The following FGF14 variants were observed in gnomAD, a reference collection of about 807,000 sequenced individuals.
FGF14 encodes fibroblast growth factor 14.
A neutral mutation model predicts 25.5 loss-of-function variants in FGF14; 5 were observed. That is an observed-to-expected ratio of 0.20 (90% CI 0.10 to 0.41). The LOEUF is 0.41. Among genes scored for constraint, FGF14 ranks in the 10% least tolerant of loss-of-function variants. The pLI is 1.00. For synonymous variants in FGF14, 138 were observed against 118.3 expected, an observed-to-expected ratio of 1.17 and a Z score of -1.08; for missense variants, 222 against 320.1, an observed-to-expected ratio of 0.69 and a Z score of 2.34.
chr13:101,814,868 GTCTT>G (rs993377494), intron 3 of FGF14, among the ~76,000 whole-genome samples: 1 of 152,186 alleles, frequency 6.6e-6, no homozygotes, highest in African/African-American at 2.4e-5. Flanking sequence ...TTTCATATAA[GTCTT>G]TCTATTTCCA....
intron 3 of FGF14, among the ~76,000 whole-genome samples, chr13:101,782,004 T>G (rs1021969293): frequency 6.6e-6 from 1 of 152,218 alleles, no homozygotes; most frequent in Non-Finnish European, 1.5e-5. Flanking sequence ...CTTTTTGGTC[T>G]ATGGAGATCT....
At chr13:101,743,747 C>G (rs926095543) in intron 3 of FGF14, among the ~76,000 whole-genome samples, 1 of 152,020 alleles carries the variant, frequency 6.6e-6, no homozygotes, top group African/African-American at 2.4e-5. Context: ...ATATTCACAT[C>G]TGTAGATATT....
chr13:102,307,487 T>C (rs1231603964), intron 1 of FGF14, among the ~76,000 whole-genome samples: 1 of 152,148 alleles, frequency 6.6e-6, no homozygotes, highest in Admixed American at 6.6e-5. Flanking sequence ...ATAATTTGAG[T>C]TTATAAAACT....
At chr13:101,768,465 C>A (rs568383695) in intron 3 of FGF14, among the ~76,000 whole-genome samples, 1 of 152,116 alleles carries the variant, frequency 6.6e-6, no homozygotes, top group Admixed American at 6.6e-5. Flanking sequence ...TTTTGACACA[C>A]TGATACTAAA....
At chr13:101,786,384 C>G (rs569936477) in intron 3 of FGF14, among the ~76,000 whole-genome samples, 22 of 152,214 alleles carry the variant, frequency 1.4e-4, no homozygotes, top group African/African-American at 5.3e-4. Flanking sequence ...GCTGCCATAA[C>G]AAAATACCAT....
chr13:101,906,850 G>A (rs1242496776), intron 1 of FGF14, among the ~76,000 whole-genome samples: 2 of 152,052 alleles, frequency 1.3e-5, no homozygotes, highest in Non-Finnish European at 2.9e-5. Context: ...AGAAGAGGTA[G>A]AACATATTAT....
At chr13:101,973,378 T>C (rs746289617) in intron 1 of FGF14, among the ~76,000 whole-genome samples, 1 of 152,190 alleles carries the variant, frequency 6.6e-6, no homozygotes, top group Admixed American at 6.5e-5. Flanking sequence ...CTTGGAGATA[T>C]TCTCCTTTGT....
chr13:102,156,715 C>A (rs547938862), intron 1 of FGF14, among the ~76,000 whole-genome samples: 1 of 152,146 alleles, frequency 6.6e-6, no homozygotes, highest in African/African-American at 2.4e-5. Flanking sequence ...AAGAGGAAGT[C>A]AAATTGTCCC....
intron 1 of FGF14, among the ~76,000 whole-genome samples, chr13:102,379,146 T>C (rs1447368989): frequency 1.3e-5 from 2 of 152,092 alleles, no homozygotes; most frequent in Non-Finnish European, 2.9e-5. Context: ...TATAATAACA[T>C]CATCAAAAAT....
chr13:101,990,866 G>T (rs947888806), intron 1 of FGF14, among the ~76,000 whole-genome samples: 1 of 152,064 alleles, frequency 6.6e-6, no homozygotes, highest in Non-Finnish European at 1.5e-5. Context: ...ATAGCATTAA[G>T]ATAATAAAAC....
In FGF14 at chr13:101,815,779, G is replaced by A. The variant is rs538138068; in HGVS notation, c.408+52946C>T. Among the ~76,000 whole-genome samples, 29 of 152,076 alleles carry A rather than the reference G, an allele frequency of 1.9e-4. No homozygotes were observed. In the South Asian group the frequency reaches 5.4e-3, roughly 28 times the overall value. On this transcript the variant is annotated intron_variant, in intron 3 of 4. Coordinates refer to ENST00000376143, the MANE Select transcript of FGF14 (RefSeq NM_004115.4). The stretch of plus-strand genomic sequence containing the variant: ...TAAGCACTTTATCAAGAAGAAACTC[G>A]GTGGTTCTGAGTGCCTGATTAGGCA...
chr13:102,151,357 C>A (rs2047076752), intron 1 of FGF14, among the ~76,000 whole-genome samples: 1 of 152,114 alleles, frequency 6.6e-6, no homozygotes, highest in Admixed American at 6.6e-5. Context: ...TAAGTGATGC[C>A]TGTTTTTTCT....
chr13:102,035,896 G>A (rs1480617500), intron 1 of FGF14, among the ~76,000 whole-genome samples: 2 of 152,132 alleles, frequency 1.3e-5, no homozygotes, highest in Admixed American at 6.6e-5. Context: ...GAAGCAGAAT[G>A]TGTGGAGCAC....
chr13:101,900,589 C>CA (rs1318950479), intron 1 of FGF14, among the ~76,000 whole-genome samples: 2 of 152,046 alleles, frequency 1.3e-5, no homozygotes, highest in Non-Finnish European at 2.9e-5. Flanking sequence ...GTACATGCTG[C>CA]ATAACATCAT....
intron 3 of FGF14, among the ~76,000 whole-genome samples, chr13:101,812,580 C>G (rs1343147941): frequency 1.7e-5 from 2 of 114,758 alleles, no homozygotes; most frequent in Non-Finnish European, 3.4e-5. Context: ...TCAAAAAGCA[C>G]ATATATCACT....
upstream of FGF14, among the ~76,000 whole-genome samples, chr13:101,918,333 T>C (rs2033732800): frequency 6.6e-6 from 1 of 152,208 alleles, no homozygotes. Context: ...ACTTTTCTCC[T>C]CTTCCCTTTA....
intron 1 of FGF14, among the ~76,000 whole-genome samples, chr13:102,215,664 C>A (rs2050340848): frequency 6.6e-6 from 1 of 152,170 alleles, no homozygotes. Context: ...TATTTACCAT[C>A]CACACTACTG....
intron 1 of FGF14, among the ~76,000 whole-genome samples, chr13:102,207,681 A>G (rs1021286311): frequency 6.6e-6 from 1 of 151,904 alleles, no homozygotes; most frequent in African/African-American, 2.4e-5. Context: ...TCTTTCAAAC[A>G]TAATGGCCTA....
chr13:102,059,177 A>C (rs1191772958), intron 1 of FGF14, among the ~76,000 whole-genome samples: 1 of 152,152 alleles, frequency 6.6e-6, no homozygotes, highest in African/African-American at 2.4e-5. Flanking sequence ...ATGTCCTCTG[A>C]AAGTCTAGAA....
Sources: gnomAD v4.1 joint callset for allele counts (sites outside exome capture counted in the v4.1 genomes callset) on GRCh38, gnomAD v4.1.1 for gene constraint, MANE v1.5 for transcripts, NCBI Gene and HGNC (gene_info 2026-07-23, HGNC 2026-07-21) for gene names.